Variants in GCN1 observed in about 807,000 individuals in gnomAD.
GCN1 encodes GCN1 activator of EIF2AK4.
In GCN1, 90 loss-of-function variants were observed where a neutral mutation model predicts 288.4. The observed-to-expected ratio is 0.31, with a 90% confidence interval of 0.26 to 0.37. The LOEUF is 0.37. GCN1 is among the 10% of genes least tolerant of loss of function. The pLI, the probability that GCN1 is intolerant of heterozygous loss-of-function variation, is 1.00. For synonymous variants in GCN1, 1,386 were observed against 1,420.2 expected (o/e 0.98, Z 0.54); for missense variants, 2,586 against 3,419.9 (o/e 0.76, Z 6.08).
At chr12:120,166,131 A>G (rs1408392985) in intron 16 of GCN1, among the ~76,000 whole-genome samples, 1 of 145,986 alleles carries the variant, frequency 6.8e-6, no homozygotes, top group African/African-American at 2.5e-5. Context: ...GGCCAGGCAC[A>G]GTGGCTCACG....
intron 18 of GCN1, among the ~76,000 whole-genome samples, chr12:120,163,947 A>AC (rs1878017739): frequency 6.6e-6 from 1 of 152,084 alleles, no homozygotes; most frequent in South Asian, 2.1e-4. Context: ...ACATGGCGAG[A>AC]CCCCATCTCT....
At position 120,140,995 on chromosome 12, in the gene GCN1, A is replaced by G. The variant is rs1385984905; in HGVS notation, c.5858T>C (p.Val1953Ala). 1.9e-6 allele frequency: 3 copies of G among 1,613,718 alleles called. No individual in the cohort carries two copies. The South Asian group carries it at 3.3e-5, about 18-fold the overall frequency. ...GAGGATTTTCTCCCCTAACTTCCGC[A>G]CAAGATCTCCCAATGTTCTCGCTGC... ...TIAARTLGDL[V>A]RKLGEKILPE... Residue 1953 changes from valine (V) to alanine (A), a missense_variant, in exon 45 of 58, where the codon GTG (valine) becomes GCG (alanine). Physicochemically the swap from Val to Ala is moderately conservative, Grantham distance 64 (BLOSUM62 0). This residue lies in a region of GCN1 where 437 missense variants were observed against 570.5 expected (regional missense o/e 0.77). Transcript: ENST00000300648.
intron 16 of GCN1, among the ~76,000 whole-genome samples, chr12:120,166,753 G>T: frequency 6.6e-6 from 1 of 151,282 alleles, no homozygotes; most frequent in South Asian, 2.1e-4. Flanking sequence ...GCTCATGTCT[G>T]TAACACCAAC....
intron 1 of GCN1, among the ~76,000 whole-genome samples, chr12:120,190,671 A>G (rs772443359): frequency 6.6e-6 from 1 of 151,672 alleles, no homozygotes; most frequent in Non-Finnish European, 1.5e-5. Flanking sequence ...AGGCAAAATC[A>G]CTCCCACTTG....
intron 46 of GCN1, 104 bp from the exon 47 acceptor site, chr12:120,138,519 C>T (rs1877084455): frequency 9.9e-7 from 1 of 1,013,716 alleles, no homozygotes; most frequent in Non-Finnish European, 1.6e-6. Flanking sequence ...TCCTGTTGCA[C>T]CCACATTTCC....
rs1249909608 is a variant in GCN1, at chr12:120,158,422, A to T, written c.2905+38T>A. 2 of 1,496,192 alleles carry T rather than the reference A, an allele frequency of 1.3e-6. No homozygotes were observed. The highest frequency in any genetic ancestry group is 2.8e-5 in the African/African-American group (2 of 72,012). 92.7% of individuals were successfully genotyped at this position (1,496,192 alleles called of 1,614,324 possible). ...TGAGCAGCATTCCTGGCACCAGCTCACACCGCCTGGTGCCCCTGATCCCGT... is the reference window on the plus strand; with the variant it reads ...TGAGCAGCATTCCTGGCACCAGCTCTCACCGCCTGGTGCCCCTGATCCCGT... On this transcript the variant is annotated intron_variant, in intron 25 of 57. Transcript: ENST00000300648. This position sits in a 1 kb window ranked among gnomAD's most constrained non-coding sequence, Gnocchi z 4.3.
At chr12:120,180,242 T>C (rs574008491) in intron 5 of GCN1, among the ~76,000 whole-genome samples, 30 of 152,028 alleles carry the variant, frequency 2.0e-4, no homozygotes, top group African/African-American at 7.2e-4. Flanking sequence ...GAGAATCGCT[T>C]GAACCCAGGA....
In GCN1 at chr12:120,161,918, G is replaced by A; in HGVS notation, c.2304C>T (p.Thr768=). The change falls in exon 21 of 58, where the codon ACC becomes ACT. Residue 768 remains threonine (T), a synonymous_variant. Transcript: ENST00000300648. ...VTREEFAIMQ[T]PAGELYDKSI... ...ATTTGTCATACAGCTCCCCAGCAGG[G>A]GTCTGCATAATGGCAAACTCCTCCC... The A allele has an allele frequency of 6.2e-7, 1 of 1,614,086 alleles. No individual in the cohort carries two copies. Among genetic ancestry groups the A allele is most frequent in the Non-Finnish European group, 8.5e-7 (1 of 1,180,008 alleles).
At chr12:120,136,406 A>G (rs1877004992) in intron 51 of GCN1, 96 bp downstream of exon 51, 1 of 911,630 alleles carries the variant, frequency 1.1e-6, no homozygotes, top group Non-Finnish European at 1.7e-6. Context: ...GCTCTCCACA[A>G]TAAATCTGTT....
At position 120,137,743 on chromosome 12, in the gene GCN1, A is replaced by C. The variant is rs1232222482; in HGVS notation, c.6465T>G (p.Asp2155Glu). 4 of 1,614,088 alleles carry C rather than the reference A, an allele frequency of 2.5e-6. No individual in the cohort carries two copies. Among genetic ancestry groups the C allele is most frequent in the Admixed American group, 1.7e-5 (1 of 60,018 alleles). Residue 2155 changes from aspartate to glutamate, a missense_variant, in exon 49 of 58, where the codon GAT becomes GAG. Around this residue, in one of 8 missense-constraint regions of GCN1, gnomAD observed 437 missense variants for 570.5 expected, o/e 0.77. Coordinates refer to ENST00000300648, the MANE Select transcript of GCN1 (RefSeq NM_006836.2). The surrounding 1 kb of genome is among the most constrained non-coding windows in gnomAD (Gnocchi z 5.2). Reference protein sequence around the residue: ...DDTGHRIIIEDLLEATRSPEV... With the variant: ...DDTGHRIIIEELLEATRSPEV... ...CAGGGCTGCGGGTGGCCTCCAGCAGATCCTCGATGATGATCCGGTGCCCTG... is the reference window on the plus strand; with the variant it reads ...CAGGGCTGCGGGTGGCCTCCAGCAGCTCCTCGATGATGATCCGGTGCCCTG...
chr12:120,189,162 T>C (rs1167496846), intron 2 of GCN1, among the ~76,000 whole-genome samples: 1 of 151,914 alleles, frequency 6.6e-6, no homozygotes, highest in Non-Finnish European at 1.5e-5. Flanking sequence ...CTCCACTGCC[T>C]CCCAGGTTGA....
chr12:120,163,057 C>T lies in GCN1; in HGVS notation c.2038+13G>A, dbSNP rs755210426. On this transcript the variant is annotated intron_variant, in intron 19 of 57. Transcript: ENST00000300648. ...AAGCTCTGGGCTCTCCCACACCCAC[C>T]GCAGCCACGGACCTAAGGATGGGTG... 1.4e-5 allele frequency: 22 copies of T among 1,613,544 alleles called. No individual in the cohort carries two copies. Among genetic ancestry groups the T allele is most frequent in the African/African-American group, 2.7e-5 (2 of 74,940 alleles).
rs769622517 is a variant in GCN1, at chr12:120,162,911, G to A, written c.2099C>T (p.Ala700Val). The change falls in exon 20 of 58, where the codon GCC becomes GTC. Residue 700 changes from alanine to valine, a missense_variant. Coordinates refer to ENST00000300648, the MANE Select transcript of GCN1 (RefSeq NM_006836.2). ...LLARMKIDPE[A>V]FITRHLDQII... is the part of the protein sequence containing the mutation. ...CTGATCCAGGTGCCTGGTGATAAAG[G>A]CTTCAGGATCGATCTTCATCCTGGC... 6.2e-7 allele frequency: 1 copy of A among 1,614,180 alleles called. No homozygotes were observed. The highest frequency in any genetic ancestry group is 2.2e-5 in the East Asian group (1 of 44,874).
intron 22 of GCN1, among the ~76,000 whole-genome samples, chr12:120,160,820 A>G (rs1386119383): frequency 1.3e-5 from 2 of 152,228 alleles, no homozygotes; most frequent in African/African-American, 4.8e-5. Flanking sequence ...GCAGGCGAAG[A>G]TAGATAATAA....
intron 57 of GCN1, among the ~76,000 whole-genome samples, chr12:120,128,610 T>G (rs1876698568): frequency 6.6e-6 from 1 of 152,118 alleles, no homozygotes. Context: ...GTGCTGAGAT[T>G]ACAGGCGTGA....
At chr12:120,148,140 G>A in intron 37 of GCN1, 27 bp downstream of exon 37, 1 of 1,582,838 alleles carries the variant, frequency 6.3e-7, no homozygotes, top group Non-Finnish European at 8.6e-7. Flanking sequence ...GGAGGTCAGG[G>A]CAAGCACCCT....
chr12:120,134,550 C>T lies in GCN1; in HGVS notation c.7185G>A (p.Met2395Ile). 1.2e-6 allele frequency: 2 copies of T among 1,613,956 alleles called. No individual in the cohort carries two copies. The highest frequency in any genetic ancestry group is 1.7e-6 in the Non-Finnish European group (2 of 1,179,800). Residue 2395 changes from methionine to isoleucine, a missense_variant, in exon 52 of 58, where the codon ATG becomes ATA. Around this residue, in one of 8 missense-constraint regions of GCN1, gnomAD observed 355 missense variants for 431.1 expected, o/e 0.82. Transcript: ENST00000300648. This position sits in a 1 kb window ranked among gnomAD's most constrained non-coding sequence, Gnocchi z 5.0. Reference sequence around the variant, plus strand: ...CGCCGTACCTGACACCTGGGTCCTCCATGGCGCGGATGCCATTGAGCAGCT... The same window carrying T: ...CGCCGTACCTGACACCTGGGTCCTCTATGGCGCGGATGCCATTGAGCAGCT... ...FTELLNGIRA[M>I]EDPGVRDTML... is the part of the protein sequence containing the mutation.
Position 120,156,428 on chromosome 12 carries a change from G to A in GCN1, c.3312+33C>T. ...TTTGCACTTGCATAGAGTGACAAGGGACACTGCAGTGGCTCTGAGACTGAG... is the reference window on the plus strand; with the variant it reads ...TTTGCACTTGCATAGAGTGACAAGGAACACTGCAGTGGCTCTGAGACTGAG... On this transcript the variant is annotated intron_variant, in intron 28 of 57. Transcript: ENST00000300648. This position sits in a 1 kb window ranked among gnomAD's most constrained non-coding sequence, Gnocchi z 5.8. 2 of 1,605,690 alleles carry A rather than the reference G, an allele frequency of 1.2e-6. No homozygotes were observed. Among genetic ancestry groups the A allele is most frequent in the Non-Finnish European group, 1.7e-6 (2 of 1,174,384 alleles).
chr12:120,153,156 A>C lies in GCN1; in HGVS notation c.4062+57T>G. The C allele has an allele frequency of 6.7e-7, 1 of 1,497,628 alleles. No individual in the cohort carries two copies. Among genetic ancestry groups the C allele is most frequent in the Non-Finnish European group, 9.2e-7 (1 of 1,081,106 alleles). 92.8% of individuals were successfully genotyped at this position (1,497,628 alleles called of 1,614,324 possible). The stretch of plus-strand genomic sequence containing the variant: ...ACCCCTAGTATCCCACCGCCTAACC[A>C]CAGCCGGGTCCCAATTCTCTAACCG... On this transcript the variant is annotated intron_variant, in intron 33 of 57. Coordinates refer to ENST00000300648, the MANE Select transcript of GCN1 (RefSeq NM_006836.2). This position sits in a 1 kb window ranked among gnomAD's most constrained non-coding sequence, Gnocchi z 4.4.
Sources: allele counts gnomAD v4.1 joint callset (sites outside exome capture counted in the v4.1 genomes callset), GRCh38; gene constraint gnomAD v4.1.1; regional missense constraint gnomAD v4.1.1; non-coding constraint Gnocchi (gnomAD v3.1); transcripts MANE v1.5; gene names NCBI Gene and HGNC (gene_info 2026-07-23, HGNC 2026-07-21).